The following CDH23 variants were observed in gnomAD, a reference collection of about 807,000 sequenced individuals.
The protein encoded by CDH23 is cadherin-23.
CDH23 carries 189 observed loss-of-function variants against 317.1 expected under a neutral mutation model. The observed-to-expected ratio is 0.60, with a 90% confidence interval of 0.53 to 0.67. CDH23 has a LOEUF of 0.67. CDH23 is among the 30% of genes least tolerant of loss of function. The pLI, the probability that CDH23 is intolerant of heterozygous loss-of-function variation, is 0.00. For missense variants in CDH23, 4,401 were observed against 4,592.4 expected, an observed-to-expected ratio of 0.96 and a Z score of 1.20; for synonymous variants, 1,839 against 1,876.8, an observed-to-expected ratio of 0.98 and a Z score of 0.52.
At chr10:71,521,190 GTCT>G in intron 6 of CDH23, among the ~76,000 whole-genome samples, 1 of 151,496 alleles carries the variant, frequency 6.6e-6, no homozygotes, top group African/African-American at 2.4e-5. Flanking sequence ...CCCACTCACT[GTCT>G]TCATCATTGA....
chr10:71,705,156 G>A (rs770825032), intron 25 of CDH23, 26 bp downstream of exon 25: 1 of 1,585,390 alleles, frequency 6.3e-7, no homozygotes, highest in Non-Finnish European at 8.6e-7. Context: ...GGCTTCTGCT[G>A]TGTGCTCAGT....
intron 6 of CDH23, among the ~76,000 whole-genome samples, chr10:71,516,765 G>A (rs1258789865): frequency 6.6e-6 from 1 of 152,190 alleles, no homozygotes; most frequent in Non-Finnish European, 1.5e-5. Flanking sequence ...GCCAGGATTA[G>A]GAGGCAGGCC....
rs954519604 is a variant in CDH23 at position 71,815,935 on chromosome 10, G to A, written c.*657G>A. 6.2e-6 allele frequency: 1 copy of A among 160,012 alleles called. No homozygotes were observed. Among genetic ancestry groups the A allele is most frequent in the South Asian group, 1.7e-4 (1 of 5,806 alleles). 9.9% of individuals were successfully genotyped at this position (160,012 alleles called of 1,614,324 possible). A position where few individuals can be genotyped will look rare whatever the true frequency, so the allele number is the denominator to read the frequency against. On this transcript the variant is annotated 3_prime_UTR_variant, in exon 70 of 70. Coordinates refer to ENST00000224721, the MANE Select transcript of CDH23 (RefSeq NM_022124.6). ...TGTGTGTGTTCCTTTTTTAAATTAAGTTATTCCCTCAATAGTTTCCCCTTG... is the reference window on the plus strand; with the variant it reads ...TGTGTGTGTTCCTTTTTTAAATTAAATTATTCCCTCAATAGTTTCCCCTTG...
At position 71,779,222 on chromosome 10, in the gene CDH23, A is replaced by T. The variant is rs562939156; in HGVS notation, c.5188-45A>T. 5.7e-6 allele frequency: 9 copies of T among 1,588,868 alleles called. No individual in the cohort carries two copies. In the African/African-American group the frequency reaches 9.4e-5, roughly 17 times the overall value. ...AGGAAGGAACTGAGGCCCAGCACAA[A>T]GCTGGCTGGGGTGAGGCCTTGGCTA... On this transcript the variant is annotated intron_variant, in intron 40 of 69. Coordinates refer to ENST00000224721, the MANE Select transcript of CDH23 (RefSeq NM_022124.6).
intron 65 of CDH23, 63 bp from the exon 66 acceptor site, chr10:71,811,892 C>G: frequency 6.2e-7 from 1 of 1,608,858 alleles, no homozygotes; most frequent in Non-Finnish European, 8.5e-7. Flanking sequence ...CCCTCACCCC[C>G]CAACACCACC....
rs137977284 is a variant in CDH23, at chr10:71,767,077, T to C, written c.4846-10603T>C. Among the ~76,000 whole-genome samples the C allele has an allele frequency of 3.9e-3, 592 of 152,366 alleles. 13 individuals carry two copies. The highest frequency in any genetic ancestry group is 4.9e-3 in the Non-Finnish European group (335 of 68,042). On this transcript the variant is annotated intron_variant, in intron 38 of 69. Transcript: ENST00000224721. ...TCCATCAGGGGCATCTGCTCAGAAC[T>C]TGGGCCTGGACCTGTGCCTGAGATT...
chr10:71,796,646 A>G (rs1589426709), intron 48 of CDH23, among the ~76,000 whole-genome samples: 1 of 152,348 alleles, frequency 6.6e-6, no homozygotes, highest in East Asian at 1.9e-4. Flanking sequence ...TTTTAATTGT[A>G]GAGTCCAGTA....
intron 38 of CDH23, among the ~76,000 whole-genome samples, chr10:71,770,325 G>T (rs1840658189): frequency 6.6e-6 from 1 of 152,266 alleles, no homozygotes; most frequent in African/African-American, 2.4e-5. Context: ...AGGGGAACTT[G>T]CTCAGGGAGA....
intron 6 of CDH23, among the ~76,000 whole-genome samples, chr10:71,543,400 C>T (rs536835362): frequency 1.3e-5 from 2 of 152,320 alleles, no homozygotes; most frequent in African/African-American, 4.8e-5. Flanking sequence ...GTCAAAGCAC[C>T]CACAGATCAG....
chr10:71,695,500 C>T lies in CDH23; in HGVS notation c.2372C>T (p.Thr791Ile), dbSNP rs1222389445. Reference sequence around the variant, plus strand: ...TACTACATCAACCTGGTGGAGATGACCCCTCCAGACTCTGATGTGACCACG... The same window carrying T: ...TACTACATCAACCTGGTGGAGATGATCCCTCCAGACTCTGATGTGACCACG... Reference protein sequence around the residue: ...APYYINLVEMTPPDSDVTTVV... With the variant: ...APYYINLVEMIPPDSDVTTVV... The change falls in exon 22 of 70, where the codon ACC (threonine) becomes ATC (isoleucine). Residue 791 changes from threonine to isoleucine, a missense_variant. Transcript: ENST00000224721. The T allele has an allele frequency of 6.2e-7, 1 of 1,613,230 alleles. No homozygotes were observed. Among genetic ancestry groups the T allele is most frequent in the Non-Finnish European group, 8.5e-7 (1 of 1,179,168 alleles).
chr10:71,400,666 G>A (rs1847738225), intron 1 of CDH23, among the ~76,000 whole-genome samples: 1 of 152,120 alleles, frequency 6.6e-6, no homozygotes. Context: ...AGACGTGGTG[G>A]TGGGCACCTG....
chr10:71,640,268 C>T (rs911395182), intron 11 of CDH23, among the ~76,000 whole-genome samples: 7 of 152,224 alleles, frequency 4.6e-5, no homozygotes, highest in Admixed American at 3.9e-4. Flanking sequence ...AGCCTGCACA[C>T]GATTGGTGCC....
At chr10:71,473,402 G>C (rs905044297) in intron 3 of CDH23, among the ~76,000 whole-genome samples, 8 of 152,202 alleles carry the variant, frequency 5.3e-5, no homozygotes. Context: ...AGTATTTGCT[G>C]ATCACCTACT....
Position 71,403,314 on chromosome 10 carries a change from T to TCTTCCTTCCTTCCTTCCTTC in CDH23, c.-6+6011_-6+6012insCCTTCCTTCCTTCCTTCCTT, listed in dbSNP as rs201087939. On this transcript the variant is annotated intron_variant, in intron 1 of 69. Coordinates refer to ENST00000224721, the MANE Select transcript of CDH23 (RefSeq NM_022124.6). ...CATTTGCTTGCTTTCTCTTTCTCTT[T>TCTTCCTTCCTTCCTTCCTTC]CTTCCTTCCTTCCTTTCTTTCTTTC... Among the ~76,000 whole-genome samples, 23 of 102,806 alleles carry TCTTCCTTCCTTCCTTCCTTC rather than the reference T, an allele frequency of 2.2e-4. 5 individuals are homozygous for TCTTCCTTCCTTCCTTCCTTC. The highest frequency in any genetic ancestry group is 1.4e-3 in the African/African-American group (19 of 13,978). The allele number at this position is 102,806 out of a possible 152,430, so 67.4% of individuals were successfully genotyped here.
intron 28 of CDH23, among the ~76,000 whole-genome samples, chr10:71,721,692 A>T (rs1031728293): frequency 2.6e-5 from 4 of 152,202 alleles, no homozygotes; most frequent in Non-Finnish European, 5.9e-5. Context: ...CCGGATGTGC[A>T]TCGAGGCCAG....
intron 9 of CDH23, among the ~76,000 whole-genome samples, 178 bp downstream of exon 9, chr10:71,578,170 G>A: frequency 6.6e-6 from 1 of 152,178 alleles, no homozygotes; most frequent in African/African-American, 2.4e-5. Context: ...CTGAGTGAAG[G>A]CAGGAGGAAC....
chr10:71,397,998 C>A lies in CDH23; in HGVS notation c.-6+680C>A, dbSNP rs1390633871. On this transcript the variant is annotated intron_variant, in intron 1 of 69. Coordinates refer to ENST00000224721, the MANE Select transcript of CDH23 (RefSeq NM_022124.6). This position sits in a 1 kb window ranked among gnomAD's most constrained non-coding sequence, Gnocchi z 4.8. Reference sequence around the variant, plus strand: ...GGTCCGCTACGAGCGGTGCTGGCTGCCCCCAGGAGCTGGCACCCGGGAGCA... The same window carrying A: ...GGTCCGCTACGAGCGGTGCTGGCTGACCCCAGGAGCTGGCACCCGGGAGCA... 6.6e-6 allele frequency among the ~76,000 whole-genome samples: 1 copy of A among 152,222 alleles called. No homozygotes were observed. Among genetic ancestry groups the A allele is most frequent in the Non-Finnish European group, 1.5e-5 (1 of 68,034 alleles).
intron 61 of CDH23, 97 bp downstream of exon 61, chr10:71,810,173 C>T (rs1473343085): frequency 1.8e-5 from 26 of 1,434,336 alleles, no homozygotes; most frequent in East Asian, 1.4e-4. Flanking sequence ...AAGGCCAGGG[C>T]GTGAAAGGCA....
At chr10:71,485,713 TG>T (rs1852313250) in intron 3 of CDH23, among the ~76,000 whole-genome samples, 1 of 152,130 alleles carries the variant, frequency 6.6e-6, no homozygotes, top group South Asian at 2.1e-4. Flanking sequence ...AGAAGCAGTG[TG>T]GGGTGGGATG....
Sources: allele counts gnomAD v4.1 joint callset (sites outside exome capture counted in the v4.1 genomes callset), GRCh38; gene constraint gnomAD v4.1.1; non-coding constraint Gnocchi (gnomAD v3.1); transcripts MANE v1.5; gene names NCBI Gene and HGNC (gene_info 2026-07-23, HGNC 2026-07-21).